The following JAK1 variants were observed in gnomAD, a reference collection of about 807,000 sequenced individuals.
JAK1 encodes Janus kinase 1, also known as tyrosine-protein kinase JAK1.
A neutral mutation model predicts 136.6 loss-of-function variants in JAK1; 16 were observed. That is an observed-to-expected ratio of 0.12 (90% CI 0.08 to 0.18). JAK1 has a LOEUF of 0.18. Among genes scored for constraint, JAK1 ranks in the 10% least tolerant of loss-of-function variants. JAK1 has a pLI of 1.00. For missense variants in JAK1, 859 were observed against 1,450.1 expected (o/e 0.59, Z 6.62); for synonymous variants, 492 against 519.5 (o/e 0.95, Z 0.72).
intron 1 of JAK1, among the ~76,000 whole-genome samples, chr1:64,958,649 T>G (rs553966660): frequency 6.6e-6 from 1 of 152,366 alleles, no homozygotes; most frequent in Admixed American, 6.5e-5. Context: ...AGACACATAT[T>G]TGGCAGATTA....
intron 1 of JAK1, among the ~76,000 whole-genome samples, chr1:64,933,555 C>T (rs1645735071): frequency 6.6e-6 from 1 of 152,220 alleles, no homozygotes; most frequent in South Asian, 2.1e-4. Flanking sequence ...TCGTCTGCAC[C>T]ATCCCCTCAG....
At chr1:64,968,734 C>A (rs1646422220), upstream of JAK1, among the ~76,000 whole-genome samples, 1 of 152,130 alleles carries the variant, frequency 6.6e-6, no homozygotes, top group Non-Finnish European at 1.5e-5. Context: ...GAGTTTGAGA[C>A]CAGCCTGGCC....
chr1:64,961,164 G>C (rs532526464), intron 1 of JAK1, among the ~76,000 whole-genome samples: 1 of 152,040 alleles, frequency 6.6e-6, no homozygotes, highest in South Asian at 2.1e-4. Context: ...TAGATAAACT[G>C]TCAAAAAAAA....
rs560875470 is a variant in JAK1 at position 64,973,187 on chromosome 1, A to G, written c.-78+71293T>C. 5.0e-3 allele frequency: 730 copies of G among 147,286 alleles called. 10 individuals carry two copies. The highest frequency in any genetic ancestry group is 0.017 in the African/African-American group (669 of 39,096). 9.1% of individuals were successfully genotyped at this position (147,286 alleles called of 1,614,324 possible). A position where few individuals can be genotyped will look rare whatever the true frequency, so the allele number is the denominator to read the frequency against. On this transcript the variant is annotated intron_variant, in intron 2 of 25. Transcript: ENST00000671954. ...AGGAAGAAAAAGAAAGAAAGAAAGA[A>G]AAAGAAAGAAAGAAAGGAAAAGAAA...
chr1:64,984,160 A>G lies in JAK1; in HGVS notation c.-78+60320T>C, dbSNP rs1488295309. On this transcript the variant is annotated intron_variant, in intron 2 of 25. Coordinates refer to the JAK1 transcript ENST00000671954. This position sits in a 1 kb window ranked among gnomAD's most constrained non-coding sequence, Gnocchi z 4.1. Reference sequence around the variant, plus strand: ...CAGGAGGTAAAAATAAATAAAACTCAAGTTAATTTGCTGTGTACAGCTGTA... The same window carrying G: ...CAGGAGGTAAAAATAAATAAAACTCGAGTTAATTTGCTGTGTACAGCTGTA... Among the ~76,000 whole-genome samples, 5 of 152,198 alleles carry G rather than the reference A, an allele frequency of 3.3e-5. No homozygotes were observed. Among genetic ancestry groups the G allele is most frequent in the African/African-American group, 1.2e-4 (5 of 41,452 alleles).
Position 64,850,053 on chromosome 1 carries a change from C to A in JAK1, c.1755+751G>T, listed in dbSNP as rs541918076. 3.9e-4 allele frequency among the ~76,000 whole-genome samples: 60 copies of A among 152,328 alleles called. No individual in the cohort carries two copies. The South Asian group carries it at 0.012, about 31-fold the overall frequency. On this transcript the variant is annotated intron_variant, in intron 12 of 24. Coordinates refer to ENST00000342505, the MANE Select transcript of JAK1 (RefSeq NM_002227.4). The stretch of plus-strand genomic sequence containing the variant: ...TTCACAGCAGGCAGCTTCCGCCTCA[C>A]CCTCCAACACCTCCAAGGCGCTGCC...
chr1:64,862,367 C>T (rs371978247), intron 8 of JAK1, among the ~76,000 whole-genome samples: 1 of 152,176 alleles, frequency 6.6e-6, no homozygotes, highest in Non-Finnish European at 1.5e-5. Flanking sequence ...CTCAGTTTCC[C>T]CTTATCATAC....
At chr1:64,920,204 G>C (rs368334238) in intron 1 of JAK1, among the ~76,000 whole-genome samples, 1 of 152,048 alleles carries the variant, frequency 6.6e-6, no homozygotes, top group Non-Finnish European at 1.5e-5. Context: ...TGAAATTGAC[G>C]GAAACAGGGA....
intron 1 of JAK1, among the ~76,000 whole-genome samples, chr1:64,908,888 G>A (rs1339933824): frequency 1.3e-5 from 2 of 152,122 alleles, no homozygotes; most frequent in Non-Finnish European, 2.9e-5. Flanking sequence ...TCCCAGGCCA[G>A]GTCCCAGGTC....
chr1:64,944,533 G>A (rs1406941306), intron 1 of JAK1, among the ~76,000 whole-genome samples: 10 of 152,086 alleles, frequency 6.6e-5, no homozygotes, highest in Non-Finnish European at 1.0e-4. Flanking sequence ...GATTTTCATC[G>A]TAGGGTTGTT....
At chr1:64,872,019 G>C (rs2027053) in intron 5 of JAK1, among the ~76,000 whole-genome samples, 163 of 152,240 alleles carry the variant, frequency 1.1e-3, no homozygotes, top group African/African-American at 3.9e-3. Context: ...CTCCAGCCTC[G>C]TTCCCCATCA....
Position 64,844,661 on chromosome 1 carries a change from C to G in JAK1, c.2251+93G>C, listed in dbSNP as rs1655112601. Reference sequence around the variant, plus strand: ...ACTAAAATACAAAAAAAAAATGACTCTCTAAAAGGAGACCAACCCCAGCCC... The same window carrying G: ...ACTAAAATACAAAAAAAAAATGACTGTCTAAAAGGAGACCAACCCCAGCCC... On this transcript the variant is annotated intron_variant, in intron 16 of 24. Coordinates refer to ENST00000342505, the MANE Select transcript of JAK1 (RefSeq NM_002227.4). This position sits in a 1 kb window ranked among gnomAD's most constrained non-coding sequence, Gnocchi z 5.7. The G allele has an allele frequency of 6.8e-7, 1 of 1,465,448 alleles. No homozygotes were observed. Among genetic ancestry groups the G allele is most frequent in the Non-Finnish European group, 9.5e-7 (1 of 1,056,796 alleles). The allele number at this position is 1,465,448 out of a possible 1,614,324, so 90.8% of individuals were successfully genotyped here. A position where few individuals can be genotyped will look rare whatever the true frequency, so the allele number is the denominator to read the frequency against.
At chr1:64,980,312 T>C (rs1299915892) in intron 2 of JAK1, among the ~76,000 whole-genome samples, 1 of 152,154 alleles carries the variant, frequency 6.6e-6, no homozygotes, top group Non-Finnish European at 1.5e-5. Context: ...TTTTGCACCA[T>C]GTTACAATGA....
At chr1:64,985,257 T>A (rs187647954) in intron 2 of JAK1, 2 of 1,606,664 alleles carry the variant, frequency 1.2e-6, no homozygotes, top group African/African-American at 2.7e-5. Context: ...AGAGAGCTGC[T>A]GAGAGAGCTG....
chr1:65,007,030 C>T (rs1447609163), intron 2 of JAK1, among the ~76,000 whole-genome samples: 1 of 152,166 alleles, frequency 6.6e-6, no homozygotes, highest in Non-Finnish European at 1.5e-5. Flanking sequence ...TAAGTTCCAA[C>T]TGAGTGGACC....
intron 2 of JAK1, chr1:64,994,982 C>G (rs1245312125): frequency 7.1e-6 from 1 of 141,532 alleles, no homozygotes; most frequent in East Asian, 2.1e-4. Flanking sequence ...AAAAAAAAAA[C>G]CTACCCAGAA....
intron 2 of JAK1, among the ~76,000 whole-genome samples, chr1:65,037,985 T>G (rs1365136581): frequency 6.6e-6 from 1 of 152,128 alleles, no homozygotes; most frequent in African/African-American, 2.4e-5. Flanking sequence ...ATGATTGGCT[T>G]GTTACAAAGT....
chr1:64,953,195 A>G lies in JAK1; in HGVS notation c.-78+13138T>C, dbSNP rs79847663. Among the ~76,000 whole-genome samples the G allele has an allele frequency of 8.1e-3, 1,240 of 152,328 alleles. 8 individuals carry two copies. The highest frequency in any genetic ancestry group is 0.028 in the African/African-American group (1,148 of 41,566). ...ATTTACAGATTTTCTGGCAATATTC[A>G]GTATTTGGGGTAGCAGTGGGTAACT... is the stretch of plus-strand genomic sequence containing the variant. On this transcript the variant is annotated intron_variant, in intron 1 of 24. Transcript: ENST00000342505.
chr1:64,944,404 G>C (rs1645946648), intron 1 of JAK1, among the ~76,000 whole-genome samples: 2 of 152,094 alleles, frequency 1.3e-5, no homozygotes, highest in African/African-American at 4.8e-5. Context: ...CACTTTTGGA[G>C]AGCAATGTGT....
Sources: gnomAD v4.1 joint callset for allele counts (sites outside exome capture counted in the v4.1 genomes callset) on GRCh38, gnomAD v4.1.1 for gene constraint, Gnocchi (gnomAD v3.1) non-coding constraint, MANE v1.5 for transcripts, NCBI Gene and HGNC (gene_info 2026-07-23, HGNC 2026-07-21) for gene names.